MED1: variants seen among roughly 807,000 people sequenced by gnomAD.
MED1 encodes the protein mediator complex subunit 1, also known as mediator of RNA polymerase II transcription subunit 1.
In MED1, 17 loss-of-function variants were observed where a neutral mutation model predicts 121.3. The ratio of observed to expected loss-of-function variants is 0.14; its 90% CI spans 0.10 to 0.21. The LOEUF is 0.21. Among genes scored for constraint, MED1 ranks in the 10% least tolerant of loss-of-function variants. MED1 has a pLI of 1.00. For missense variants in MED1, 1,558 were observed against 1,919.4 expected, an observed-to-expected ratio of 0.81 and a Z score of 3.52; for synonymous variants, 661 against 694.4, an observed-to-expected ratio of 0.95 and a Z score of 0.76.
intron 6 of MED1, among the ~76,000 whole-genome samples, chr17:39,435,999 G>A (rs1015733832): frequency 5.3e-5 from 8 of 152,060 alleles, no homozygotes; most frequent in African/African-American, 1.9e-4. Flanking sequence ...TTGAACCCGG[G>A]AGGGGGAGGT....
rs927896287 is a variant in MED1, at chr17:39,409,354, G to A, written c.2867C>T (p.Pro956Leu). 6.2e-7 allele frequency: 1 copy of A among 1,614,016 alleles called. No individual in the cohort carries two copies. The change falls in exon 17 of 17, where the codon CCT becomes CTT. Residue 956 changes from proline (P) to leucine (L), a missense_variant. Physicochemically the swap from Pro to Leu is moderately conservative, Grantham distance 98. Around this residue, in one of 5 missense-constraint regions of MED1, gnomAD observed 793 missense variants for 898.2 expected, o/e 0.88. Transcript: ENST00000300651. ...LMEHHSGSQG[P>L]LLTTGDLGKE... ...CCCTAAGTCCCCAGTGGTCAGTAAA[G>A]GACCCTGACTACCACTGTGATGCTC... is the stretch of plus-strand genomic sequence containing the variant.
At position 39,406,917 on chromosome 17, in the gene MED1, C is replaced by T; in HGVS notation, c.*558G>A. On this transcript the variant is annotated 3_prime_UTR_variant, in exon 17 of 17. Transcript: ENST00000300651. ...ATAGCTAAAATAATCTTCCCTCCCC[C>T]AGTCACTCCTAAGAAACAGACACCA... The T allele has an allele frequency of 2.0e-6, 2 of 985,962 alleles. No homozygotes were observed. The highest frequency in any genetic ancestry group is 2.4e-6 in the Non-Finnish European group (2 of 829,962). The allele number at this position is 985,962 out of a possible 1,614,324, so 61.1% of individuals were successfully genotyped here.
intron 9 of MED1, 133 bp downstream of exon 9, chr17:39,430,981 TG>T (rs1195978923): frequency 3.2e-5 from 24 of 745,378 alleles, no homozygotes; most frequent in Non-Finnish European, 4.5e-6. Flanking sequence ...ATCATGCCAC[TG>T]CACTCCAGCC....
At chr17:39,419,303 T>C (rs1342778500) in intron 14 of MED1, among the ~76,000 whole-genome samples, 1 of 149,332 alleles carries the variant, frequency 6.7e-6, no homozygotes, top group Non-Finnish European at 1.5e-5. Context: ...TCTCAAATCA[T>C]GGGCTCAAGT....
At chr17:39,450,132 T>G (rs540835583) in intron 1 of MED1, among the ~76,000 whole-genome samples, 1 of 146,668 alleles carries the variant, frequency 6.8e-6, no homozygotes, top group Non-Finnish European at 1.5e-5. Context: ...ATTTTTTTTG[T>G]AGAGACAGGG....
chr17:39,441,651 T>A (rs2048675786), intron 3 of MED1, among the ~76,000 whole-genome samples: 1 of 151,924 alleles, frequency 6.6e-6, no homozygotes, highest in South Asian at 2.1e-4. Context: ...GCGCCTATAA[T>A]CCCACCCTCT....
Position 39,405,894 on chromosome 17 carries a change from A to T in MED1, c.*1581T>A, listed in dbSNP as rs576961189. ...AGTCACTCCACTTACGACATAACAC[A>T]CAAAGGAATCACCTGGCTTTTTTTT... On this transcript the variant is annotated 3_prime_UTR_variant, in exon 17 of 17. Coordinates refer to ENST00000300651, the MANE Select transcript of MED1 (RefSeq NM_004774.4). The T allele has an allele frequency of 3.0e-6, 3 of 985,088 alleles. No individual in the cohort carries two copies. The African/African-American group carries it at 5.2e-5, about 17-fold the overall frequency. The allele number at this position is 985,088 out of a possible 1,614,324, so 61.0% of individuals were successfully genotyped here.
At position 39,438,010 on chromosome 17, in the gene MED1, A is replaced by G. The variant is rs1212504117; in HGVS notation, c.428+1155T>C. 2.0e-5 allele frequency among the ~76,000 whole-genome samples: 3 copies of G among 151,936 alleles called. No homozygotes were observed. In the East Asian group the frequency reaches 5.8e-4, roughly 29 times the overall value. On this transcript the variant is annotated intron_variant, in intron 6 of 16. Transcript: ENST00000300651. ...CAGTGAGCCGAGACCGCACCATTAT[A>G]CTCCAGACTAGGTAACAAGAACAAA...
chr17:39,451,237 C>T lies in MED1; in HGVS notation c.-175G>A, dbSNP rs1307452359. 4 of 639,066 alleles carry T rather than the reference C, an allele frequency of 6.3e-6. No homozygotes were observed. Among genetic ancestry groups the T allele is most frequent in the Non-Finnish European group, 8.0e-6 (3 of 376,650 alleles). 39.6% of individuals were successfully genotyped at this position (639,066 alleles called of 1,614,324 possible). A position where few individuals can be genotyped will look rare whatever the true frequency, so the allele number is the denominator to read the frequency against. On this transcript the variant is annotated 5_prime_UTR_variant, in exon 1 of 17. Transcript: ENST00000300651. The stretch of plus-strand genomic sequence containing the variant: ...GCAAGAAGAGAAGGGTGCTCGAGGC[C>T]GCCGCCATCTTCCCCAACGGAACTT...
At position 39,408,647 on chromosome 17, in the gene MED1, A is replaced by G. The variant is rs776792569; in HGVS notation, c.3574T>C (p.Ser1192Pro). ...CCAGGTGGCCTTGAATGAGAAGGGG[A>G]TATGTTTGGTTTACTTAAAGAAGGA... is the stretch of plus-strand genomic sequence containing the variant. ...MNPSLSKPNI[S>P]PSHSRPPGGS... is the part of the protein sequence containing the mutation. Residue 1192 changes from serine (S) to proline (P), a missense_variant, in exon 17 of 17, where the codon TCC (serine) becomes CCC (proline). Transcript: ENST00000300651. The surrounding 1 kb of genome is among the most constrained non-coding windows in gnomAD (Gnocchi z 4.7). 1.5e-5 allele frequency: 25 copies of G among 1,613,830 alleles called. No individual in the cohort carries two copies. Among genetic ancestry groups the G allele is most frequent in the Non-Finnish European group, 1.5e-5 (18 of 1,179,982 alleles).
chr17:39,444,666 C>G (rs1187099369), intron 2 of MED1, among the ~76,000 whole-genome samples: 1 of 151,678 alleles, frequency 6.6e-6, no homozygotes, highest in African/African-American at 2.4e-5. Context: ...GTCAGGAGTT[C>G]GAGACCAGCC....
In MED1 at chr17:39,410,705, C is replaced by G; in HGVS notation, c.1516G>C (p.Val506Leu). 6.2e-7 allele frequency: 1 copy of G among 1,607,458 alleles called. No homozygotes were observed. The highest frequency in any genetic ancestry group is 8.5e-7 in the Non-Finnish European group (1 of 1,175,408). The change falls in exon 17 of 17, where the codon GTG becomes CTG. Residue 506 changes from valine (V) to leucine (L), a missense_variant. Val to Leu is a conservative substitution (Grantham distance 32). Around this residue, in one of 5 missense-constraint regions of MED1, gnomAD observed 50 missense variants for 134.5 expected, o/e 0.37. Coordinates refer to ENST00000300651, the MANE Select transcript of MED1 (RefSeq NM_004774.4). ...KVVQRCMSIP[V>L]TMRAIRRKAE... ...TTCCTCCGAATAGCCCTCATCGTCA[C>G]AGGGATGGACATACATCTGCAAAAT...
intron 10 of MED1, among the ~76,000 whole-genome samples, chr17:39,425,775 C>G (rs1309566322): frequency 6.6e-6 from 1 of 151,090 alleles, no homozygotes; most frequent in African/African-American, 2.4e-5. Flanking sequence ...GCACTCCAGC[C>G]TGGGCGACAG....
At chr17:39,432,135 G>A (rs757686861) in intron 7 of MED1, 119 bp from the exon 8 acceptor site, 15 of 640,492 alleles carry the variant, frequency 2.3e-5, no homozygotes, top group Non-Finnish European at 3.9e-5. Context: ...CTGAGGTCAG[G>A]AGTTTGAGAC....
chr17:39,422,469 GTTT>G (rs750032186), intron 13 of MED1, among the ~76,000 whole-genome samples: 1 of 74,340 alleles, frequency 1.3e-5, no homozygotes, highest in Non-Finnish European at 2.4e-5. Context: ...GCCCAGCCTC[GTTT>G]TTTTTTTTTT....
Position 39,407,478 on chromosome 17 carries a change from A to C in MED1, c.4743T>G (p.Asn1581Lys). The change falls in exon 17 of 17, where the codon AAT (asparagine) becomes AAG (lysine). Residue 1581 changes from asparagine (N) to lysine (K), a missense_variant. This residue lies in a region of MED1 where 264 missense variants were observed against 326.1 expected (regional missense o/e 0.81). Coordinates refer to ENST00000300651, the MANE Select transcript of MED1 (RefSeq NM_004774.4). ...TTTCTTTTAGGAAATAAGGTTCCTA[A>C]TTCCCAATCAGGGCCACATCCATAA... ...DDLMDVALIGN is the reference protein window; with the variant it reads ...DDLMDVALIGK 1 of 1,590,486 alleles carries C rather than the reference A, an allele frequency of 6.3e-7. No homozygotes were observed. Among genetic ancestry groups the C allele is most frequent in the South Asian group, 1.1e-5 (1 of 87,312 alleles).
In MED1 at chr17:39,420,046, T is replaced by C; in HGVS notation, c.1096-128A>G. 5.7e-6 allele frequency: 4 copies of C among 699,958 alleles called. No homozygotes were observed. The South Asian group carries it at 7.5e-5, about 13-fold the overall frequency. The allele number at this position is 699,958 out of a possible 1,614,324, so 43.4% of individuals were successfully genotyped here. On this transcript the variant is annotated intron_variant, in intron 13 of 16. Transcript: ENST00000300651. ...CTCCACAGTGAATGTTTTCATCAGCTGATATTATAAATGTCAATCAATTAC... is the reference window on the plus strand; with the variant it reads ...CTCCACAGTGAATGTTTTCATCAGCCGATATTATAAATGTCAATCAATTAC...
In MED1 at chr17:39,409,835, T is replaced by C; in HGVS notation, c.2386A>G (p.Thr796Ala). The part of the protein sequence containing the change: ...IAEEASKLPS[T>A]SDDCPAIGTP... ...CCAATGGCTGGGCAATCATCACTAG[T>C]GCTGGGAAGTTTAGAAGCTTCTTCT... The change falls in exon 17 of 17, where the codon ACT becomes GCT. Residue 796 changes from threonine to alanine, a missense_variant. Thr to Ala is a moderately conservative substitution (Grantham distance 58). Coordinates refer to ENST00000300651, the MANE Select transcript of MED1 (RefSeq NM_004774.4). 1 of 1,614,178 alleles carries C rather than the reference T, an allele frequency of 6.2e-7. No homozygotes were observed. Among genetic ancestry groups the C allele is most frequent in the Non-Finnish European group, 8.5e-7 (1 of 1,180,032 alleles).
At chr17:39,431,692 G>A (rs1213034704) in intron 8 of MED1, among the ~76,000 whole-genome samples, 2 of 152,198 alleles carry the variant, frequency 1.3e-5, no homozygotes, top group South Asian at 2.1e-4. Flanking sequence ...TATGTAGTAT[G>A]GTGAACAAAA....
Sources: gnomAD v4.1 joint callset for allele counts (sites outside exome capture counted in the v4.1 genomes callset) on GRCh38, gnomAD v4.1.1 for gene constraint, gnomAD v4.1.1 regional missense constraint, Gnocchi (gnomAD v3.1) non-coding constraint, MANE v1.5 for transcripts, NCBI Gene and HGNC (gene_info 2026-07-23, HGNC 2026-07-21) for gene names.